The following TSNARE1 variants were observed in gnomAD, a reference collection of about 807,000 sequenced individuals.
TSNARE1 encodes the protein t-SNARE domain-containing protein 1.
Under a neutral mutation model 62.0 loss-of-function variants are expected in TSNARE1, and 49 were observed. That is an observed-to-expected ratio of 0.79 (90% CI 0.63 to 1.00). The LOEUF is 1.00. TSNARE1 is among the 50% of genes least tolerant of loss of function. The pLI is 0.00. For missense variants in TSNARE1, 755 were observed against 700.1 expected, an observed-to-expected ratio of 1.08 and a Z score of -0.88; for synonymous variants, 328 against 294.4, an observed-to-expected ratio of 1.11 and a Z score of -1.17.
At chr8:142,277,022 T>C (rs1820609231) in intron 11 of TSNARE1, 1 of 985,362 alleles carries the variant, frequency 1.0e-6, no homozygotes, top group South Asian at 4.7e-5. Context: ...GTGTTGCTCG[T>C]GGGGTGAGGA....
At chr8:142,380,831 C>T (rs993573743) in intron 1 of TSNARE1, among the ~76,000 whole-genome samples, 1 of 152,106 alleles carries the variant, frequency 6.6e-6, no homozygotes, top group Non-Finnish European at 1.5e-5. Flanking sequence ...TCTGAGTTTT[C>T]TACAAGGAAC....
intron 12 of TSNARE1, among the ~76,000 whole-genome samples, chr8:142,247,375 C>T (rs1320861875): frequency 6.6e-6 from 1 of 152,218 alleles, no homozygotes; most frequent in Non-Finnish European, 1.5e-5. Context: ...TGTTGTCTGT[C>T]TGTTGGGTTT....
At chr8:142,283,104 A>G (rs1429384503) in intron 11 of TSNARE1, among the ~76,000 whole-genome samples, 97 of 78,264 alleles carry the variant, frequency 1.2e-3, no homozygotes, top group Admixed American at 1.5e-3. Context: ...AGCAGAGGGG[A>G]GGCCACTGTC....
chr8:142,331,691 T>C (rs754786238), intron 5 of TSNARE1, 63 bp downstream of exon 5: 46 of 1,484,692 alleles, frequency 3.1e-5, no homozygotes, highest in Non-Finnish European at 4.1e-5. Flanking sequence ...TCGCCTCCAA[T>C]GTCGCATCAG....
chr8:142,345,446 G>A (rs563468823), intron 3 of TSNARE1, among the ~76,000 whole-genome samples: 23 of 152,346 alleles, frequency 1.5e-4, no homozygotes, highest in African/African-American at 5.5e-4. Flanking sequence ...TTGAGGGTGA[G>A]GGGCCACAAG....
At chr8:142,249,367 AG>A (rs1240634408) in intron 12 of TSNARE1, among the ~76,000 whole-genome samples, 1 of 152,146 alleles carries the variant, frequency 6.6e-6, no homozygotes, top group African/African-American at 2.4e-5. Flanking sequence ...TGCCGAGGCC[AG>A]CGTGTGTGAG....
intron 1 of TSNARE1, among the ~76,000 whole-genome samples, chr8:142,380,861 T>C (rs1836689500): frequency 6.6e-6 from 1 of 151,592 alleles, no homozygotes. Context: ...CTTAGGAAAG[T>C]GAGATAAAGT....
chr8:142,299,532 C>T (rs1397624544), intron 10 of TSNARE1, among the ~76,000 whole-genome samples: 2 of 152,170 alleles, frequency 1.3e-5, no homozygotes, highest in Admixed American at 6.5e-5. Context: ...CAGAGCGTGT[C>T]CCCCCCACGC....
Position 142,315,107 on chromosome 8 carries a change from C to A in TSNARE1, c.985-15G>T. On this transcript the variant is annotated splice_polypyrimidine_tract_variant and intron_variant, in intron 7 of 13. Transcript: ENST00000524325. ...AGACGCTCCTGCTGCAGAGAAGGTA[C>A]AGCTGGCACGGCATGGGAGGCTTGG... The A allele has an allele frequency of 6.2e-7, 1 of 1,613,940 alleles. No individual in the cohort carries two copies. The highest frequency in any genetic ancestry group is 8.5e-7 in the Non-Finnish European group (1 of 1,179,952).
At chr8:142,318,885 C>T (rs1215976998) in intron 6 of TSNARE1, among the ~76,000 whole-genome samples, 2 of 151,782 alleles carry the variant, frequency 1.3e-5, no homozygotes, top group Admixed American at 6.6e-5. Context: ...GGAACAGAGA[C>T]AAGAGCAGCG....
At position 142,229,469 on chromosome 8, in the gene TSNARE1, T is replaced by C. The variant is rs1431244545; in HGVS notation, c.*11+4A>G. 1 of 1,612,692 alleles carries C rather than the reference T, an allele frequency of 6.2e-7. No homozygotes were observed. Among genetic ancestry groups the C allele is most frequent in the South Asian group, 1.1e-5 (1 of 91,040 alleles). The stretch of plus-strand genomic sequence containing the variant: ...GATGGTGTACGGGTAGGTGGGGTAC[T>C]CACCACGGGTAGCATCACTTTCGGA... On this transcript the variant is annotated splice_donor_region_variant and intron_variant, in intron 13 of 13. Transcript: ENST00000524325.
chr8:142,357,531 G>A (rs1006978079), intron 1 of TSNARE1, among the ~76,000 whole-genome samples: 2 of 152,162 alleles, frequency 1.3e-5, no homozygotes, highest in Non-Finnish European at 2.9e-5. Context: ...AGCAGGTGGC[G>A]GCAGGAACCA....
intron 9 of TSNARE1, among the ~76,000 whole-genome samples, chr8:142,304,462 C>A (rs1051875749): frequency 2.6e-5 from 4 of 152,234 alleles, no homozygotes; most frequent in African/African-American, 9.6e-5. Context: ...GTGGTCTATG[C>A]CCCTCAAGCT....
At chr8:142,270,542 C>A in intron 12 of TSNARE1, 1 of 983,132 alleles carries the variant, frequency 1.0e-6, no homozygotes, top group Middle Eastern at 5.3e-4. Flanking sequence ...GAAATTATTC[C>A]AGGCATATGG....
At chr8:142,270,039 C>T in intron 12 of TSNARE1, 1 of 985,462 alleles carries the variant, frequency 1.0e-6, no homozygotes, top group Non-Finnish European at 1.2e-6. Context: ...TCAAGCCAGT[C>T]AGCCAGCATC....
chr8:142,341,714 G>C lies in TSNARE1; in HGVS notation c.745+2252C>G, dbSNP rs192475673. Among the ~76,000 whole-genome samples, 884 of 152,288 alleles carry C rather than the reference G, an allele frequency of 5.8e-3. 4 individuals carry two copies. The highest frequency in any genetic ancestry group is 7.3e-3 in the Admixed American group (112 of 15,298). ...ACTGTCCATCAGCCACTCACTGCCC[G>C]GCAGGCTGCAATGAGCCCTCCTGCA... On this transcript the variant is annotated intron_variant, in intron 4 of 13. Coordinates refer to ENST00000524325, the MANE Select transcript of TSNARE1 (RefSeq NM_145003.5).
chr8:142,373,094 C>T (rs577752908), intron 1 of TSNARE1, among the ~76,000 whole-genome samples: 2 of 152,316 alleles, frequency 1.3e-5, no homozygotes, highest in Admixed American at 6.5e-5. Context: ...GTCTCTCTCT[C>T]GGACTGTGTC....
intron 13 of TSNARE1, among the ~76,000 whole-genome samples, chr8:142,228,656 G>C (rs1422189762): frequency 1.3e-5 from 2 of 152,064 alleles, no homozygotes; most frequent in African/African-American, 4.8e-5. Flanking sequence ...CAGTGGCTCT[G>C]AGTTGCAAGA....
rs756222242 is a variant in TSNARE1, at chr8:142,300,531, G to A, written c.1245C>T (p.Asp415=). 4 of 1,611,160 alleles carry A rather than the reference G, an allele frequency of 2.5e-6. No individual in the cohort carries two copies. Among genetic ancestry groups the A allele is most frequent in the Admixed American group, 1.7e-5 (1 of 60,020 alleles). Residue 415 remains aspartate, a synonymous_variant, in exon 10 of 14, where the codon GAC becomes GAT. Transcript: ENST00000524325. ...QALLPDITEE[D]LEAIRLREEA... ...CCTCCCGCAGCCGGATGGCCTCCAG[G>A]TCCTCTTCAGTGATGTCCGGGAGCA... is the stretch of plus-strand genomic sequence containing the variant.
Sources: allele counts gnomAD v4.1 joint callset (sites outside exome capture counted in the v4.1 genomes callset), GRCh38; gene constraint gnomAD v4.1.1; transcripts MANE v1.5; gene names NCBI Gene and HGNC (gene_info 2026-07-23, HGNC 2026-07-21).